SAMD4A: variants seen among roughly 807,000 people sequenced by gnomAD.
SAMD4A encodes the protein sterile alpha motif domain containing 4A.
A neutral mutation model predicts 81.3 loss-of-function variants in SAMD4A; 33 were observed. That is an observed-to-expected ratio of 0.41 (90% confidence interval 0.31 to 0.54). SAMD4A has a LOEUF of 0.54. Among genes scored for constraint, SAMD4A ranks in the 20% least tolerant of loss-of-function variants. SAMD4A has a pLI of 0.37. For synonymous variants in SAMD4A, 389 were observed against 382.1 expected (o/e 1.02, Z -0.21); for missense variants, 854 against 951.1 (o/e 0.90, Z 1.34).
At chr14:54,727,872 G>T (rs967302210) in intron 3 of SAMD4A, among the ~76,000 whole-genome samples, 1 of 152,140 alleles carries the variant, frequency 6.6e-6, no homozygotes, top group African/African-American at 2.4e-5. Context: ...CAGGTGAGGG[G>T]GAACCAGCAG....
intron 2 of SAMD4A, among the ~76,000 whole-genome samples, chr14:54,660,083 A>AAG (rs1251534051): frequency 3.4e-5 from 5 of 149,148 alleles, no homozygotes; most frequent in African/African-American, 1.2e-4. Context: ...CCGTCTCAGA[A>AAG]AAAAAAAAAA....
At chr14:54,728,486 C>G (rs17127816) in intron 3 of SAMD4A, among the ~76,000 whole-genome samples, 66,008 of 151,894 alleles carry the variant, frequency 0.43, 14,774 homozygotes, top group African/African-American at 0.55. Context: ...CATCCAATTT[C>G]TCCTAATTAA....
chr14:54,784,481 G>C, intron 11 of SAMD4A, 56 bp from the exon 12 acceptor site: 1 of 1,613,198 alleles, frequency 6.2e-7, no homozygotes, highest in Non-Finnish European at 8.5e-7. Flanking sequence ...GGTGGAACCA[G>C]GTGGCACCCT....
At chr14:54,733,112 T>A (rs2359361) in intron 3 of SAMD4A, among the ~76,000 whole-genome samples, 95,261 of 151,952 alleles carry the variant, frequency 0.63, 30,813 homozygotes, top group Non-Finnish European at 0.71. Flanking sequence ...GTCAGAAGAG[T>A]TGACTGGTCC....
intron 2 of SAMD4A, among the ~76,000 whole-genome samples, chr14:54,585,308 C>T (rs552472344): frequency 6.6e-6 from 1 of 152,302 alleles, no homozygotes; most frequent in East Asian, 1.9e-4. Context: ...TCTTACAATG[C>T]TGTGGTAAAC....
chr14:54,577,139 G>A (rs1042230296), intron 2 of SAMD4A, among the ~76,000 whole-genome samples: 1 of 152,252 alleles, frequency 6.6e-6, no homozygotes, highest in Non-Finnish European at 1.5e-5. Context: ...CACATAGAAT[G>A]TGCTTGGGAA....
At chr14:54,602,658 G>A (rs946442463) in intron 2 of SAMD4A, among the ~76,000 whole-genome samples, 6 of 151,424 alleles carry the variant, frequency 4.0e-5, no homozygotes, top group South Asian at 2.1e-4. Flanking sequence ...GGGGTGGGGG[G>A]AGTGGGGAGG....
chr14:54,648,867 G>T (rs917460864), intron 2 of SAMD4A, among the ~76,000 whole-genome samples: 1 of 152,160 alleles, frequency 6.6e-6, no homozygotes, highest in Non-Finnish European at 1.5e-5. Flanking sequence ...GGAGGTGGGG[G>T]TTCATTTAGG....
chr14:54,699,397 A>G (rs17127787), intron 2 of SAMD4A, among the ~76,000 whole-genome samples: 39,513 of 152,028 alleles, frequency 0.26, 6,035 homozygotes, highest in Admixed American at 0.36. Flanking sequence ...TGCTGAGGTC[A>G]TCTGTGCCCT....
At position 54,625,058 on chromosome 14, in the gene SAMD4A, A is replaced by C. The variant is rs180967986; in HGVS notation, c.196+56946A>C. ...TCTTTAACACTGTGCTACTATGGCA[A>C]AGTTATCATTTCTTTTTTTTAACAC... On this transcript the variant is annotated intron_variant, in intron 2 of 12. Coordinates refer to ENST00000554335, the MANE Select transcript of SAMD4A (RefSeq NM_015589.6). 2.6e-5 allele frequency among the ~76,000 whole-genome samples: 4 copies of C among 152,290 alleles called. No individual in the cohort carries two copies. In the East Asian group the frequency reaches 7.7e-4, roughly 29 times the overall value.
intron 2 of SAMD4A, among the ~76,000 whole-genome samples, chr14:54,672,565 T>C (rs905996975): frequency 2.6e-5 from 4 of 152,186 alleles, no homozygotes; most frequent in African/African-American, 9.6e-5. Context: ...AATTGGAGGA[T>C]TTGAACACTA....
At chr14:54,725,128 C>G (rs559663152) in intron 3 of SAMD4A, among the ~76,000 whole-genome samples, 46 of 152,266 alleles carry the variant, frequency 3.0e-4, no homozygotes, top group African/African-American at 1.0e-3. Flanking sequence ...TATGAGGAAC[C>G]CAATGTTACC....
At chr14:54,750,284 T>A (rs1324207337) in intron 5 of SAMD4A, among the ~76,000 whole-genome samples, 1 of 152,244 alleles carries the variant, frequency 6.6e-6, no homozygotes, top group Non-Finnish European at 1.5e-5. Flanking sequence ...CAGTGTTTCA[T>A]CTTAGAGACT....
At chr14:54,596,071 A>G (rs1566538642) in intron 2 of SAMD4A, among the ~76,000 whole-genome samples, 1 of 152,196 alleles carries the variant, frequency 6.6e-6, no homozygotes, top group East Asian at 1.9e-4. Context: ...GGTCTTGTCA[A>G]TTTAGTGTGG....
At chr14:54,639,614 T>C (rs2140374148) in intron 2 of SAMD4A, among the ~76,000 whole-genome samples, 1 of 152,314 alleles carries the variant, frequency 6.6e-6, no homozygotes, top group South Asian at 2.1e-4. Flanking sequence ...TCGGAATCTG[T>C]CAGCACTTTT....
intron 2 of SAMD4A, among the ~76,000 whole-genome samples, chr14:54,635,634 G>A (rs1281684598): frequency 6.6e-6 from 1 of 151,360 alleles, no homozygotes; most frequent in African/African-American, 2.4e-5. Flanking sequence ...TGTAATCCCA[G>A]CTACTTGGGA....
At position 54,792,513 on chromosome 14, in the gene SAMD4A, G is replaced by A. The variant is rs569767513; in HGVS notation, c.*3569G>A. 6.6e-6 allele frequency: 1 copy of A among 152,292 alleles called. No individual in the cohort carries two copies. The highest frequency in any genetic ancestry group is 1.5e-5 in the Non-Finnish European group (1 of 68,124). The allele number at this position is 152,292 out of a possible 1,614,324, so 9.4% of individuals were successfully genotyped here. ...GGGCTGAGCTGGGCTGAATGCAAAA[G>A]CATGCAACCAGAAGGCGGGCAAGGG... On this transcript the variant is annotated 3_prime_UTR_variant, in exon 13 of 13. Coordinates refer to ENST00000554335, the MANE Select transcript of SAMD4A (RefSeq NM_015589.6).
intron 3 of SAMD4A, among the ~76,000 whole-genome samples, chr14:54,727,432 AC>A (rs1413688551): frequency 2.6e-5 from 4 of 151,116 alleles, no homozygotes; most frequent in Admixed American, 1.3e-4. Flanking sequence ...CAGGTGATCC[AC>A]CCGCCTCGGC....
At chr14:54,590,846 G>A (rs566369346) in intron 2 of SAMD4A, among the ~76,000 whole-genome samples, 3 of 152,216 alleles carry the variant, frequency 2.0e-5, no homozygotes, top group African/African-American at 4.8e-5. Context: ...TCAAATGTTA[G>A]TAAATGTTCA....
Sources: gnomAD v4.1 joint callset for allele counts (sites outside exome capture counted in the v4.1 genomes callset) on GRCh38, gnomAD v4.1.1 for gene constraint, MANE v1.5 for transcripts, NCBI Gene and HGNC (gene_info 2026-07-23, HGNC 2026-07-21) for gene names.